UTRN: variants seen among roughly 807,000 people sequenced by gnomAD.
UTRN encodes utrophin.
UTRN carries 283 observed loss-of-function variants against 463.9 expected under a neutral mutation model. The observed-to-expected ratio is 0.61, with a 90% CI of 0.55 to 0.67. UTRN has a LOEUF of 0.67. Ranked by LOEUF, UTRN falls within the 30% of genes least tolerant of loss-of-function variation. UTRN has a pLI of 0.00. For missense variants in UTRN, 3,922 were observed against 4,084.3 expected (o/e 0.96, Z 1.08); for synonymous variants, 1,442 against 1,431.5 (o/e 1.01, Z -0.17).
chr6:144,585,477 G>A (rs1802382653), intron 51 of UTRN, among the ~76,000 whole-genome samples: 2 of 152,102 alleles, frequency 1.3e-5, no homozygotes, highest in Non-Finnish European at 2.9e-5. Flanking sequence ...ATCCAGATTA[G>A]GAAGCGGCAC....
chr6:144,478,672 C>T (rs906111528), intron 25 of UTRN, among the ~76,000 whole-genome samples: 4 of 152,226 alleles, frequency 2.6e-5, no homozygotes, highest in African/African-American at 9.6e-5. Context: ...AACCATCCAG[C>T]TCCTGTGCTG....
intron 51 of UTRN, among the ~76,000 whole-genome samples, chr6:144,624,254 G>A (rs908909165): frequency 6.6e-6 from 1 of 152,160 alleles, no homozygotes; most frequent in African/African-American, 2.4e-5. Flanking sequence ...ATGAACTTGA[G>A]TCTAGATTTG....
At chr6:144,616,572 T>A (rs1214806798) in intron 51 of UTRN, among the ~76,000 whole-genome samples, 3 of 151,946 alleles carry the variant, frequency 2.0e-5, no homozygotes, top group Admixed American at 6.6e-5. Flanking sequence ...TTAAAAAAGA[T>A]TTTAAAAATA....
chr6:144,343,004 A>G (rs1777266149), intron 2 of UTRN, among the ~76,000 whole-genome samples: 2 of 152,084 alleles, frequency 1.3e-5, no homozygotes, highest in Non-Finnish European at 2.9e-5. Context: ...ATTTTGCCAG[A>G]GTCATACAGC....
At chr6:144,680,391 A>G (rs1235321166) in intron 52 of UTRN, among the ~76,000 whole-genome samples, 1 of 152,186 alleles carries the variant, frequency 6.6e-6, no homozygotes, top group East Asian at 1.9e-4. Flanking sequence ...ATTATGTAAT[A>G]AGTAAGTTAA....
intron 2 of UTRN, among the ~76,000 whole-genome samples, chr6:144,384,478 C>T (rs1163686545): frequency 6.6e-6 from 1 of 152,126 alleles, no homozygotes; most frequent in Non-Finnish European, 1.5e-5. Context: ...CCCACTGCCT[C>T]CCCCACTGCC....
intron 61 of UTRN, among the ~76,000 whole-genome samples, chr6:144,784,231 C>T (rs1776105270): frequency 2.0e-5 from 3 of 152,202 alleles, no homozygotes; most frequent in Non-Finnish European, 4.4e-5. Flanking sequence ...TTGTCCATGG[C>T]TCTGACACAC....
At chr6:144,429,821 G>A (rs777031234) in intron 9 of UTRN, 80 bp downstream of exon 9, 5 of 1,470,552 alleles carry the variant, frequency 3.4e-6, no homozygotes, top group Non-Finnish European at 4.6e-6. Flanking sequence ...ACTTTTAGAG[G>A]GTTTTTTTCT....
chr6:144,492,155 T>G (rs1022133773), intron 32 of UTRN, among the ~76,000 whole-genome samples: 2 of 152,190 alleles, frequency 1.3e-5, no homozygotes, highest in East Asian at 3.8e-4. Flanking sequence ...ATTGGTAGTT[T>G]TTCAGCTCTT....
chr6:144,832,842 C>T (rs762125848), intron 69 of UTRN, among the ~76,000 whole-genome samples: 5 of 151,974 alleles, frequency 3.3e-5, no homozygotes, highest in African/African-American at 4.8e-5. Flanking sequence ...GTTTTTGAGA[C>T]AGAGTCTCAC....
intron 27 of UTRN, among the ~76,000 whole-genome samples, chr6:144,483,436 C>G (rs549503377): frequency 6.6e-6 from 1 of 151,982 alleles, no homozygotes; most frequent in Non-Finnish European, 1.5e-5. Context: ...AAAATTATGG[C>G]TGAGGATTTT....
intron 7 of UTRN, 85 bp from the exon 8 acceptor site, chr6:144,428,693 A>G: frequency 1.4e-6 from 1 of 700,760 alleles, no homozygotes; most frequent in Non-Finnish European, 2.2e-6. Context: ...AAATAATCTA[A>G]AACTAAAATG....
At chr6:144,610,919 T>C (rs1805441926) in intron 51 of UTRN, among the ~76,000 whole-genome samples, 1 of 151,822 alleles carries the variant, frequency 6.6e-6, no homozygotes, top group South Asian at 2.1e-4. Flanking sequence ...AAGAAAACAA[T>C]AGGGCAATCT....
chr6:144,583,428 G>A (rs957247839), intron 51 of UTRN: 3 of 648,894 alleles, frequency 4.6e-6, no homozygotes, highest in Admixed American at 2.4e-5. Context: ...CAGTGACCGG[G>A]AGGAAATGAT....
intron 2 of UTRN, among the ~76,000 whole-genome samples, chr6:144,384,485 T>A (rs544712577): frequency 6.6e-6 from 1 of 152,126 alleles, no homozygotes; most frequent in African/African-American, 2.4e-5. Context: ...CCTCCCCCAC[T>A]GCCCCGCCCA....
chr6:144,592,739 C>T (rs1172264622), intron 51 of UTRN, among the ~76,000 whole-genome samples: 1 of 152,152 alleles, frequency 6.6e-6, no homozygotes, highest in Non-Finnish European at 1.5e-5. Flanking sequence ...ATAACCACTA[C>T]CAGCTTGAAT....
chr6:144,380,379 GGAAAA>G (rs1390913316), intron 2 of UTRN, among the ~76,000 whole-genome samples: 2 of 152,118 alleles, frequency 1.3e-5, no homozygotes, highest in African/African-American at 4.8e-5. Context: ...CTGGGCAGAG[GGAAAA>G]TGGGTGGTTT....
At chr6:144,702,693 A>C (rs1223515254) in intron 53 of UTRN, among the ~76,000 whole-genome samples, 4 of 152,194 alleles carry the variant, frequency 2.6e-5, no homozygotes. Context: ...TGTAGTAAGC[A>C]CTTAGCAACC....
intron 48 of UTRN, among the ~76,000 whole-genome samples, chr6:144,552,047 C>G (rs1460353151): frequency 6.6e-6 from 1 of 152,142 alleles, no homozygotes; most frequent in East Asian, 1.9e-4. Context: ...TCTCTCTCTT[C>G]CATAGATTGT....
Sources: gnomAD v4.1 joint callset for allele counts (sites outside exome capture counted in the v4.1 genomes callset) on GRCh38, gnomAD v4.1.1 for gene constraint, MANE v1.5 for transcripts, NCBI Gene and HGNC (gene_info 2026-07-23, HGNC 2026-07-21) for gene names.